Variants in TNC observed in about 807,000 individuals in gnomAD.
TNC encodes tenascin C, also known as tenascin.
A neutral mutation model predicts 202.4 loss-of-function variants in TNC; 109 were observed. That is an observed-to-expected ratio of 0.54 (90% CI 0.46 to 0.63). The LOEUF (loss-of-function observed/expected upper bound fraction) is 0.63. TNC is among the 30% of genes least tolerant of loss of function. The pLI is 0.00. For missense variants in TNC, 2,756 were observed against 2,833.3 expected (o/e 0.97, Z 0.62); for synonymous variants, 1,007 against 1,089.7 (o/e 0.92, Z 1.50).
chr9:115,099,538 G>C (rs967551739), intron 1 of TNC, among the ~76,000 whole-genome samples: 3 of 152,162 alleles, frequency 2.0e-5, no homozygotes, highest in Non-Finnish European at 4.4e-5. Context: ...CAAATCCAAA[G>C]GGTTCCATCC....
At chr9:115,038,160 A>G in intron 20 of TNC, 101 bp downstream of exon 20, 1 of 1,466,326 alleles carries the variant, frequency 6.8e-7, no homozygotes, top group Non-Finnish European at 9.2e-7. Context: ...ATGCATTTTT[A>G]TCATCCTGTA....
chr9:115,057,067 A>T (rs1055074802), intron 15 of TNC, 86 bp downstream of exon 15: 8 of 1,478,520 alleles, frequency 5.4e-6, no homozygotes, highest in Middle Eastern at 4.8e-4. Flanking sequence ...TGGCTTGTAC[A>T]TCAATGGGAG....
chr9:115,064,381 T>C (rs1832778955), intron 11 of TNC, among the ~76,000 whole-genome samples: 1 of 152,218 alleles, frequency 6.6e-6, no homozygotes, highest in Non-Finnish European at 1.5e-5. Context: ...AGGCTGTTTA[T>C]GGAGCTAAAG....
intron 10 of TNC, among the ~76,000 whole-genome samples, chr9:115,071,056 G>A (rs772018605): frequency 2.0e-5 from 3 of 152,196 alleles, no homozygotes; most frequent in Non-Finnish European, 4.4e-5. Flanking sequence ...TTATCTCAGT[G>A]TCTGTTTGTT....
chr9:115,067,920 G>A (rs895750691), intron 10 of TNC, among the ~76,000 whole-genome samples: 12 of 151,898 alleles, frequency 7.9e-5, no homozygotes, highest in African/African-American at 2.9e-4. Context: ...AGTAGTGGAT[G>A]CTACGTGTGC....
In TNC at chr9:115,091,065, G is replaced by T; in HGVS notation, c.-47C>A. The stretch of plus-strand genomic sequence containing the variant: ...GTGCTGCTGGGGCTCTAGGGCTCTA[G>T]GGTATCTCACTTTCAGCAGAATTGG... On this transcript the variant is annotated 5_prime_UTR_variant, in exon 2 of 28. Transcript: ENST00000350763. The T allele has an allele frequency of 6.6e-7, 1 of 1,503,778 alleles. No individual in the cohort carries two copies. 93.2% of individuals were successfully genotyped at this position (1,503,778 alleles called of 1,614,324 possible). A position where few individuals can be genotyped will look rare whatever the true frequency, so the allele number is the denominator to read the frequency against.
intron 8 of TNC, 126 bp from the exon 9 acceptor site, chr9:115,076,247 C>T (rs1833842286): frequency 7.2e-7 from 1 of 1,398,434 alleles, no homozygotes; most frequent in Admixed American, 1.7e-5. Flanking sequence ...TACAAAAGAA[C>T]TCACTGCAAT....
rs1400965151 is a variant in TNC at position 115,019,881 on chromosome 9, T to A, written c.*1276A>T. 3 of 152,204 alleles carry A rather than the reference T, an allele frequency of 2.0e-5. No individual in the cohort carries two copies. Among genetic ancestry groups the A allele is most frequent in the Non-Finnish European group, 4.4e-5 (3 of 68,050 alleles). The allele number at this position is 152,204 out of a possible 1,614,324, so 9.4% of individuals were successfully genotyped here. On this transcript the variant is annotated 3_prime_UTR_variant, in exon 28 of 28. Coordinates refer to ENST00000350763, the MANE Select transcript of TNC (RefSeq NM_002160.4). ...AACTCAGGCAGTCTGCCTCTGGGGA[T>A]CTTAGCCCATGTGTGGTAACAATAC...
In TNC at chr9:115,085,883, G is replaced by A. The variant is rs563361695; in HGVS notation, c.1848C>T (p.Ser616=). Residue 616 remains serine, a synonymous_variant, in exon 3 of 28, where the codon AGC becomes AGT. Transcript: ENST00000350763. The stretch of plus-strand genomic sequence containing the variant: ...ACTCACCCTCTGAGCAGTCTTCTCC[G>A]CTGTAGCCCTCGTTGCAGATGCAGC... ...SGRCICNEGY[S]GEDCSEVSPP... 21 of 1,611,130 alleles carry A rather than the reference G, an allele frequency of 1.3e-5. No homozygotes were observed. Among genetic ancestry groups the A allele is most frequent in the East Asian group, 8.9e-5 (4 of 44,744 alleles).
intron 7 of TNC, among the ~76,000 whole-genome samples, chr9:115,077,001 G>T (rs1564103015): frequency 6.6e-6 from 1 of 151,856 alleles, no homozygotes; most frequent in Non-Finnish European, 1.5e-5. Context: ...AGGTTCAAGT[G>T]ATTCTCCTGC....
Position 115,111,707 on chromosome 9 carries a change from C to T in TNC, c.-137+6275G>A, listed in dbSNP as rs183437319. Among the ~76,000 whole-genome samples, 298 of 152,034 alleles carry T rather than the reference C, an allele frequency of 2.0e-3. 1 individual carries two copies. Among genetic ancestry groups the T allele is most frequent in the Non-Finnish European group, 3.4e-3 (231 of 67,984 alleles). ...ATTAAGAGGTGTGAGCGACCATGCC[C>T]GGTAACTCTCTTTCTCATTGGCTTT... On this transcript the variant is annotated intron_variant, in intron 1 of 27. Coordinates refer to ENST00000350763, the MANE Select transcript of TNC (RefSeq NM_002160.4).
chr9:115,060,075 A>G (rs1456002301), intron 13 of TNC, 73 bp from the exon 14 acceptor site: 1 of 1,421,140 alleles, frequency 7.0e-7, no homozygotes, highest in African/African-American at 1.4e-5. Flanking sequence ...CCACAGCCCA[A>G]CTCTAGGAAA....
intron 6 of TNC, among the ~76,000 whole-genome samples, chr9:115,078,557 C>A (rs1834060177): frequency 6.6e-6 from 1 of 150,558 alleles, no homozygotes; most frequent in Non-Finnish European, 1.5e-5. Context: ...GTTGAGGAAA[C>A]ATGCTTTGGG....
At chr9:115,083,765 C>T (rs1026266140) in intron 4 of TNC, among the ~76,000 whole-genome samples, 4 of 152,022 alleles carry the variant, frequency 2.6e-5, no homozygotes, top group South Asian at 2.1e-4. Flanking sequence ...CCACCAGGCC[C>T]GACTAATTTT....
chr9:115,053,501 C>T (rs1328503200), intron 15 of TNC, among the ~76,000 whole-genome samples: 1 of 152,226 alleles, frequency 6.6e-6, no homozygotes, highest in East Asian at 1.9e-4. Flanking sequence ...AAGGCTCTGA[C>T]AGGCTGGTTC....
chr9:115,043,399 G>A (rs1364580350), intron 17 of TNC, among the ~76,000 whole-genome samples: 3 of 152,166 alleles, frequency 2.0e-5, no homozygotes, highest in Non-Finnish European at 4.4e-5. Flanking sequence ...CCCATGGAAA[G>A]TTTCAGAAAC....
rs971819611 is a variant in TNC, at chr9:115,035,069, A to G, written c.5787+135T>C. The G allele has an allele frequency of 1.6e-5, 14 of 901,570 alleles. No individual in the cohort carries two copies. The African/African-American group carries it at 3.1e-4, about 20-fold the overall frequency. 55.8% of individuals were successfully genotyped at this position (901,570 alleles called of 1,614,324 possible). A position where few individuals can be genotyped will look rare whatever the true frequency, so the allele number is the denominator to read the frequency against. The stretch of plus-strand genomic sequence containing the variant: ...ATTCAGAAGGTCTGGCATGCCATCC[A>G]GTCTCTACTAATTTTTTTTTTCAGC... On this transcript the variant is annotated intron_variant, in intron 22 of 27. Transcript: ENST00000350763.
intron 26 of TNC, among the ~76,000 whole-genome samples, chr9:115,025,798 A>G (rs1829432647): frequency 6.6e-6 from 1 of 152,168 alleles, no homozygotes; most frequent in Non-Finnish European, 1.5e-5. Flanking sequence ...TTGTTTCCTT[A>G]TTTATTTCTC....
At chr9:115,065,723 G>A (rs931627666) in intron 10 of TNC, among the ~76,000 whole-genome samples, 9 of 151,798 alleles carry the variant, frequency 5.9e-5, no homozygotes, top group African/African-American at 1.7e-4. Context: ...ACAACATGGC[G>A]AAACCCCGTG....
Sources: allele counts gnomAD v4.1 joint callset (sites outside exome capture counted in the v4.1 genomes callset), GRCh38; gene constraint gnomAD v4.1.1; transcripts MANE v1.5; gene names NCBI Gene and HGNC (gene_info 2026-07-23, HGNC 2026-07-21).